UBE4A: variants seen among roughly 807,000 people sequenced by gnomAD.
UBE4A encodes ubiquitin conjugation factor E4 A.
Under a neutral mutation model 117.9 loss-of-function variants are expected in UBE4A, and 48 were observed. That is an observed-to-expected ratio of 0.41 (90% confidence interval 0.32 to 0.52). The LOEUF (loss-of-function observed/expected upper bound fraction) is 0.52. Ranked by LOEUF, UBE4A falls within the 20% of genes least tolerant of loss-of-function variation. The pLI, the probability that UBE4A is intolerant of heterozygous loss-of-function variation, is 0.33. For synonymous variants in UBE4A, 407 were observed against 450.0 expected (o/e 0.90, Z 1.21); for missense variants, 1,067 against 1,296.3 (o/e 0.82, Z 2.72).
chr11:118,382,637 A>G lies in UBE4A; in HGVS notation c.2058A>G (p.Ala686=). 1 of 1,593,278 alleles carries G rather than the reference A, an allele frequency of 6.3e-7. No homozygotes were observed. The highest frequency in any genetic ancestry group is 8.6e-7 in the Non-Finnish European group (1 of 1,166,964). ...CCAAACTAGCAGAGGTGTTGGAAGC[A>G]GTGATGCCCCACCTGGATCAGACCC... ...LRAKLAEVLE[A]VMPHLDQTPN... is the part of the protein sequence containing the mutation. Residue 686 remains alanine (A), a synonymous_variant, in exon 13 of 20, where the codon GCA becomes GCG. Transcript: ENST00000252108.
intron 10 of UBE4A, among the ~76,000 whole-genome samples, chr11:118,377,858 A>G (rs577168856): frequency 1.3e-5 from 2 of 151,138 alleles, no homozygotes; most frequent in East Asian, 3.9e-4. Context: ...GACTGCAGTG[A>G]GCCGAGATTG....
chr11:118,377,133 G>A (rs1316777363), intron 10 of UBE4A, among the ~76,000 whole-genome samples: 1 of 152,102 alleles, frequency 6.6e-6, no homozygotes, highest in African/African-American at 2.4e-5. Flanking sequence ...TAATAGAAAA[G>A]GGGCATTGTA....
At chr11:118,388,646 C>A (rs1555127655) in intron 16 of UBE4A, among the ~76,000 whole-genome samples, 2 of 139,812 alleles carry the variant, frequency 1.4e-5, no homozygotes. Flanking sequence ...GAGACTCTAT[C>A]TCAAAAAAAA....
chr11:118,367,376 G>A (rs1948572829), intron 2 of UBE4A, among the ~76,000 whole-genome samples: 1 of 152,004 alleles, frequency 6.6e-6, no homozygotes, highest in South Asian at 2.1e-4. Context: ...AATCATTAGA[G>A]AAGTGCCAAT....
chr11:118,373,035 G>A lies in UBE4A; in HGVS notation c.722-51G>A, dbSNP rs149049305. On this transcript the variant is annotated intron_variant, in intron 6 of 19. Coordinates refer to ENST00000252108, the MANE Select transcript of UBE4A (RefSeq NM_001204077.2). ...GAAAGTAAAGAGCTAGTGTGTAAAGGCATATAAAAATTCTTGTGCCCTCCT... is the reference window on the plus strand; with the variant it reads ...GAAAGTAAAGAGCTAGTGTGTAAAGACATATAAAAATTCTTGTGCCCTCCT... The A allele has an allele frequency of 3.6e-3, 5,345 of 1,499,900 alleles. 21 individuals carry two copies. The highest frequency in any genetic ancestry group is 0.012 in the Middle Eastern group (59 of 5,118). The allele number at this position is 1,499,900 out of a possible 1,614,324, so 92.9% of individuals were successfully genotyped here.
chr11:118,375,330 AAAG>A (rs1223278072), intron 9 of UBE4A, 101 bp downstream of exon 9: 6 of 1,209,212 alleles, frequency 5.0e-6, no homozygotes, highest in African/African-American at 3.2e-5. Flanking sequence ...TTTCTCAAAA[AAAG>A]ATGAGGCAGA....
At chr11:118,374,104 ACT>A (rs747644518) in intron 8 of UBE4A, among the ~76,000 whole-genome samples, 90 of 150,712 alleles carry the variant, frequency 6.0e-4, no homozygotes, top group Non-Finnish European at 1.1e-3. Flanking sequence ...ACAGAAGAAG[ACT>A]CTGTCTCAAA....
At chr11:118,381,344 A>G (rs781853088) in intron 11 of UBE4A, 47 bp from the exon 12 acceptor site, 1 of 1,608,088 alleles carries the variant, frequency 6.2e-7, no homozygotes, top group Non-Finnish European at 8.5e-7. Context: ...TTATTAGTAC[A>G]GATATACAGA....
At chr11:118,386,854 T>C (rs1948764033) in intron 16 of UBE4A, among the ~76,000 whole-genome samples, 1 of 152,226 alleles carries the variant, frequency 6.6e-6, no homozygotes, top group Admixed American at 6.5e-5. Context: ...AAAATCTTTC[T>C]TGAGGACAAG....
In UBE4A at chr11:118,381,435, C is replaced by T. The variant is rs144688871; in HGVS notation, c.1921C>T (p.Arg641Cys). Residue 641 changes from arginine (R) to cysteine (C), a missense_variant, in exon 12 of 20, where the codon CGC (arginine) becomes TGC (cysteine). This residue lies in a region of UBE4A where 1,001 missense variants were observed against 1,184.0 expected (regional missense o/e 0.85). Coordinates refer to ENST00000252108, the MANE Select transcript of UBE4A (RefSeq NM_001204077.2). ...GGGTGATTTTCTCATTTTTCTCCGC[C>T]GCTTTGCCGATGACATTTTGGAGAC... ...NLGDFLIFLR[R>C]FADDILETSA... 4 of 1,613,956 alleles carry T rather than the reference C, an allele frequency of 2.5e-6. No individual in the cohort carries two copies. The highest frequency in any genetic ancestry group is 3.4e-6 in the Non-Finnish European group (4 of 1,179,956).
At chr11:118,367,210 A>T (rs960054694) in intron 2 of UBE4A, among the ~76,000 whole-genome samples, 9 of 151,880 alleles carry the variant, frequency 5.9e-5, no homozygotes, top group Admixed American at 6.6e-5. Flanking sequence ...AAAAAAAAAA[A>T]TCAAAGGATG....
intron 16 of UBE4A, among the ~76,000 whole-genome samples, chr11:118,387,683 A>G (rs1034351450): frequency 6.6e-6 from 1 of 152,242 alleles, no homozygotes; most frequent in Non-Finnish European, 1.5e-5. Flanking sequence ...AATCATGGTA[A>G]AAACAAGACC....
At chr11:118,390,384 A>T (rs547544072) in intron 17 of UBE4A, among the ~76,000 whole-genome samples, 1 of 145,588 alleles carries the variant, frequency 6.9e-6, no homozygotes, top group East Asian at 1.9e-4. Flanking sequence ...TAATATATTT[A>T]ATATATATTA....
At chr11:118,369,747 CCA>C (rs1273714089) in intron 4 of UBE4A, among the ~76,000 whole-genome samples, 1 of 151,686 alleles carries the variant, frequency 6.6e-6, no homozygotes, top group Non-Finnish European at 1.5e-5. Flanking sequence ...TCTACCATGG[CCA>C]CATGCCCAAA....
Position 118,398,077 on chromosome 11 carries a change from CCTCT to C in UBE4A, c.*1640_*1643del, listed in dbSNP as rs1341399473. ...ATTCAATATTTATCATCCTCCTTTC[CCTCT>C]CTGAGAATGAACTATGTATAAAATA... On this transcript the variant is annotated 3_prime_UTR_variant, in exon 20 of 20. Transcript: ENST00000252108. The C allele has an allele frequency of 5.2e-5, 8 of 152,532 alleles. No individual in the cohort carries two copies. The highest frequency in any genetic ancestry group is 1.7e-4 in the African/African-American group (7 of 41,480). The allele number at this position is 152,532 out of a possible 1,614,324, so 9.4% of individuals were successfully genotyped here.
At chr11:118,395,086 G>C (rs537463940) in intron 19 of UBE4A, among the ~76,000 whole-genome samples, 2 of 152,320 alleles carry the variant, frequency 1.3e-5, no homozygotes, top group East Asian at 3.9e-4. Flanking sequence ...CCAGCACTTT[G>C]GGAGGCCAAG....
intron 3 of UBE4A, 98 bp downstream of exon 3, chr11:118,368,902 A>C (rs1948586238): frequency 1.2e-5 from 15 of 1,277,362 alleles, no homozygotes; most frequent in East Asian, 2.3e-5. Flanking sequence ...GTTAGATACA[A>C]ACCTACTCAC....
intron 18 of UBE4A, 57 bp from the exon 19 acceptor site, chr11:118,392,681 A>C: frequency 1.3e-6 from 2 of 1,548,592 alleles, no homozygotes; most frequent in Non-Finnish European, 1.8e-6. Flanking sequence ...GTCATTGAGC[A>C]CGCTGAATTC....
intron 13 of UBE4A, 94 bp downstream of exon 13, chr11:118,382,870 A>T: frequency 8.1e-7 from 1 of 1,235,156 alleles, no homozygotes; most frequent in Non-Finnish European, 1.1e-6. Flanking sequence ...AGAAATGTCA[A>T]GCCATTACTT....
Sources: gnomAD v4.1 joint callset for allele counts (sites outside exome capture counted in the v4.1 genomes callset) on GRCh38, gnomAD v4.1.1 for gene constraint, gnomAD v4.1.1 regional missense constraint, MANE v1.5 for transcripts, NCBI Gene and HGNC (gene_info 2026-07-23, HGNC 2026-07-21) for gene names.